ZFC3H1: variants seen among roughly 807,000 people sequenced by gnomAD.
ZFC3H1 encodes zinc finger C3H1-type containing.
Under a neutral mutation model 243.7 loss-of-function variants are expected in ZFC3H1, and 71 were observed. That is an observed-to-expected ratio of 0.29 (90% CI 0.24 to 0.36). The LOEUF is 0.36. Ranked by LOEUF, ZFC3H1 falls within the 10% of genes least tolerant of loss-of-function variation. ZFC3H1 has a pLI of 1.00. For synonymous variants in ZFC3H1, 838 were observed against 813.0 expected (o/e 1.03, Z -0.52); for missense variants, 1,966 against 2,317.1 (o/e 0.85, Z 3.11).
At chr12:71,649,682 T>C (rs922238609) in intron 2 of ZFC3H1, among the ~76,000 whole-genome samples, 3 of 152,162 alleles carry the variant, frequency 2.0e-5, no homozygotes, top group Non-Finnish European at 2.9e-5. Context: ...AGAATAGTAA[T>C]AACTATTATA....
rs779688240 is a variant in ZFC3H1, at chr12:71,620,191, C to T, written c.4850+19G>A. Reference sequence around the variant, plus strand: ...TCACTTTTTAATATAAGGTTAGCTGCTTGGCAATTAAGTTGTACCTCTCCA... The same window carrying T: ...TCACTTTTTAATATAAGGTTAGCTGTTTGGCAATTAAGTTGTACCTCTCCA... On this transcript the variant is annotated intron_variant, in intron 25 of 34. Transcript: ENST00000378743. The T allele has an allele frequency of 1.2e-6, 2 of 1,613,832 alleles. No individual in the cohort carries two copies. The highest frequency in any genetic ancestry group is 1.7e-5 in the Admixed American group (1 of 59,954).
At chr12:71,622,939 T>C (rs927311994) in intron 24 of ZFC3H1, among the ~76,000 whole-genome samples, 1 of 152,052 alleles carries the variant, frequency 6.6e-6, no homozygotes, top group African/African-American at 2.4e-5. Flanking sequence ...TCATTTAATA[T>C]AGAGAAGCAA....
chr12:71,619,889 A>G, intron 26 of ZFC3H1, 37 bp downstream of exon 26: 1 of 1,551,132 alleles, frequency 6.4e-7, no homozygotes, highest in Non-Finnish European at 8.7e-7. Flanking sequence ...TTTGAAACAT[A>G]AAAGCATCAT....
chr12:71,611,684 T>C lies in ZFC3H1; in HGVS notation c.5729+102A>G, dbSNP rs954402935. On this transcript the variant is annotated intron_variant, in intron 32 of 34. Transcript: ENST00000378743. ...GGAAAAAAAAAAAAAAAAATATATA[T>C]ATATATATATATATAGATGTCATTT... 3.7e-5 allele frequency: 7 copies of C among 186,798 alleles called. 1 individual carries two copies. The highest frequency in any genetic ancestry group is 1.3e-4 in the East Asian group (1 of 7,874). 11.6% of individuals were successfully genotyped at this position (186,798 alleles called of 1,614,324 possible). A position where few individuals can be genotyped will look rare whatever the true frequency, so the allele number is the denominator to read the frequency against.
In ZFC3H1 at chr12:71,636,960, G is replaced by A. The variant is rs768218632; in HGVS notation, c.1825C>T (p.Pro609Ser). The A allele has an allele frequency of 7.4e-6, 12 of 1,613,988 alleles. No homozygotes were observed. In the South Asian group the frequency reaches 1.2e-4, roughly 16 times the overall value. The change falls in exon 8 of 35, where the codon CCA (proline) becomes TCA (serine). Residue 609 changes from proline (P) to serine (S), a missense_variant. Pro to Ser is a moderately conservative substitution (Grantham distance 74). This residue lies in a region of ZFC3H1 where 1,383 missense variants were observed against 1,723.7 expected (regional missense o/e 0.80). Transcript: ENST00000378743. ...PPLPPLPPED[P>S]EQPPKPPFAD... ...AAAGGTGGTTTTGGAGGCTGTTCTGGATCTTCAGGTGGGAGAGGTGGTAAT... is the reference window on the plus strand; with the variant it reads ...AAAGGTGGTTTTGGAGGCTGTTCTGAATCTTCAGGTGGGAGAGGTGGTAAT...
chr12:71,622,619 C>T (rs574796684), intron 24 of ZFC3H1, among the ~76,000 whole-genome samples: 4 of 152,056 alleles, frequency 2.6e-5, no homozygotes, highest in South Asian at 2.1e-4. Context: ...TGAATCACCA[C>T]GCCCGGCTAA....
At chr12:71,624,350 A>T in intron 22 of ZFC3H1, 58 bp from the exon 23 acceptor site, 1 of 1,463,692 alleles carries the variant, frequency 6.8e-7, no homozygotes, top group South Asian at 1.4e-5. Flanking sequence ...CCAAAACTAC[A>T]GACTTTTCAC....
intron 32 of ZFC3H1, 192 bp downstream of exon 32, chr12:71,611,594 C>A (rs1879771147): frequency 5.9e-6 from 1 of 170,888 alleles, no homozygotes; most frequent in Non-Finnish European, 1.2e-5. Context: ...TCAATGAGTA[C>A]TCACTCTCAT....
At chr12:71,634,059 G>C (rs1880395171) in intron 12 of ZFC3H1, 96 bp downstream of exon 12, 17 of 1,257,318 alleles carry the variant, frequency 1.4e-5, no homozygotes, top group Middle Eastern at 2.0e-4. Context: ...GTGAGAAAAT[G>C]TATAATCTTA....
intron 6 of ZFC3H1, among the ~76,000 whole-genome samples, chr12:71,640,512 G>A (rs1880574023): frequency 6.6e-6 from 1 of 152,184 alleles, no homozygotes; most frequent in Non-Finnish European, 1.5e-5. Flanking sequence ...ACCTGCTCTG[G>A]GACCACCAGT....
chr12:71,644,749 T>G (rs1592598370), intron 4 of ZFC3H1, 128 bp downstream of exon 4: 1 of 1,060,532 alleles, frequency 9.4e-7, no homozygotes, highest in Non-Finnish European at 1.3e-6. Flanking sequence ...ACCTGGGAGG[T>G]GGAGGTTGCA....
rs773125686 is a variant in ZFC3H1, at chr12:71,613,318, T to C, written c.5627+17A>G. ...TCCATTAGGCAGAGGACCAAAAGAA[T>C]GTTAAGTTTTTCTTACCTCAATGCA... On this transcript the variant is annotated intron_variant, in intron 31 of 34. Coordinates refer to ENST00000378743, the MANE Select transcript of ZFC3H1 (RefSeq NM_144982.5). The C allele has an allele frequency of 2.5e-6, 4 of 1,589,254 alleles. No homozygotes were observed. The highest frequency in any genetic ancestry group is 2.7e-5 in the African/African-American group (2 of 74,068).
Position 71,626,339 on chromosome 12 carries a change from T to C in ZFC3H1, c.4238A>G (p.Lys1413Arg), listed in dbSNP as rs758843721. ...IWCHYLRLFSKRGTKDEVQEM... is the reference protein window; with the variant it reads ...IWCHYLRLFSRRGTKDEVQEM... ...CTGCACCTCGTCCTTGGTTCCTCTT[T>C]TTGAGAACAATCTGAGGTAATGGCA... Residue 1413 changes from lysine (K) to arginine (R), a missense_variant, in exon 22 of 35, where the codon AAA becomes AGA. Physicochemically the swap from Lys to Arg is conservative, Grantham distance 26. Coordinates refer to ENST00000378743, the MANE Select transcript of ZFC3H1 (RefSeq NM_144982.5). 13 of 1,613,984 alleles carry C rather than the reference T, an allele frequency of 8.1e-6. No homozygotes were observed. The highest frequency in any genetic ancestry group is 5.0e-5 in the Admixed American group (3 of 60,004).
At chr12:71,634,917 T>C in intron 10 of ZFC3H1, 92 bp from the exon 11 acceptor site, 4 of 1,368,790 alleles carry the variant, frequency 2.9e-6, no homozygotes, top group African/African-American at 1.5e-5. Context: ...ACCCAGTGTA[T>C]ACTGAATTTA....
intron 29 of ZFC3H1, 44 bp downstream of exon 29, chr12:71,614,790 C>T (rs765663202): frequency 6.2e-7 from 1 of 1,601,826 alleles, no homozygotes; most frequent in Non-Finnish European, 8.5e-7. Flanking sequence ...GATCATACCC[C>T]TTTATCCCCA....
At chr12:71,644,834 AG>A in intron 4 of ZFC3H1, 42 bp downstream of exon 4, 1 of 1,586,490 alleles carries the variant, frequency 6.3e-7, no homozygotes, top group Non-Finnish European at 8.6e-7. Flanking sequence ...ACAAAAGAAA[AG>A]AAAACAAAAC....
chr12:71,615,080 A>T, intron 28 of ZFC3H1, 126 bp downstream of exon 28: 1 of 1,088,472 alleles, frequency 9.2e-7, no homozygotes. Flanking sequence ...ACTAAACCTT[A>T]GCATCTCTTC....
At chr12:71,646,033 A>G (rs924354293) in intron 3 of ZFC3H1, among the ~76,000 whole-genome samples, 1 of 152,222 alleles carries the variant, frequency 6.6e-6, no homozygotes, top group African/African-American at 2.4e-5. Context: ...CACTTATCTA[A>G]TAACTTTTTC....
chr12:71,619,068 G>A (rs139680049), intron 27 of ZFC3H1, among the ~76,000 whole-genome samples: 301 of 152,166 alleles, frequency 2.0e-3, no homozygotes, highest in African/African-American at 4.5e-3. Context: ...GTAAAAGAAT[G>A]AGTTACTATG....
Sources: allele counts gnomAD v4.1 joint callset (sites outside exome capture counted in the v4.1 genomes callset), GRCh38; gene constraint gnomAD v4.1.1; regional missense constraint gnomAD v4.1.1; transcripts MANE v1.5; gene names NCBI Gene and HGNC (gene_info 2026-07-23, HGNC 2026-07-21).